Variants in MACF1 observed in about 807,000 individuals in gnomAD.
MACF1 encodes the protein microtubule-actin cross-linking factor 1.
Under a neutral mutation model 854.8 loss-of-function variants are expected in MACF1, and 193 were observed. The ratio of observed to expected loss-of-function variants is 0.23; its 90% CI spans 0.20 to 0.25. The LOEUF (loss-of-function observed/expected upper bound fraction) is 0.25. MACF1 is among the 10% of genes least tolerant of loss of function. The pLI, the probability that MACF1 is intolerant of heterozygous loss-of-function variation, is 1.00. For synonymous variants in MACF1, 3,185 were observed against 3,226.7 expected, an observed-to-expected ratio of 0.99 and a Z score of 0.44; for missense variants, 7,722 against 8,929.1, an observed-to-expected ratio of 0.86 and a Z score of 5.45.
intron 61 of MACF1, 75 bp from the exon 62 acceptor site, chr1:39,427,380 T>A: frequency 8.0e-7 from 1 of 1,254,990 alleles, no homozygotes; most frequent in South Asian, 1.4e-5. Flanking sequence ...GACTATTCTT[T>A]TACTGAGTAT....
At position 39,335,225 on chromosome 1, in the gene MACF1, C is replaced by G; in HGVS notation, c.8637C>G (p.Gly2879=). 1 of 1,613,906 alleles carries G rather than the reference C, an allele frequency of 6.2e-7. No homozygotes were observed. Among genetic ancestry groups the G allele is most frequent in the Non-Finnish European group, 8.5e-7 (1 of 1,179,922 alleles). ...ATAATCTTAAAGGTAAATCCTTGGG[C>G]CAAGTGTCATTGACACACCCTTACT... ...NPHNLKGKSL[G]QVSLTHPYSE... The change falls in exon 37 of 101, where the codon GGC becomes GGG. Residue 2879 remains glycine (G), a synonymous_variant. Coordinates refer to ENST00000564288, the MANE Select transcript of MACF1 (RefSeq NM_001394062.1).
chr1:39,394,715 A>G (rs375941513), intron 58 of MACF1, among the ~76,000 whole-genome samples: 51 of 152,320 alleles, frequency 3.3e-4, no homozygotes, highest in African/African-American at 1.2e-3. Flanking sequence ...GATTACAAGG[A>G]CAGTATCAGC....
intron 24 of MACF1, among the ~76,000 whole-genome samples, 178 bp from the exon 25 acceptor site, chr1:39,310,067 G>A (rs1179809331): frequency 1.3e-5 from 2 of 152,158 alleles, no homozygotes; most frequent in East Asian, 1.9e-4. Flanking sequence ...TGCTGGTAAT[G>A]TTCTGCTTCT....
chr1:39,240,624 G>A (rs1169063441), intron 2 of MACF1, among the ~76,000 whole-genome samples: 6 of 152,074 alleles, frequency 3.9e-5, no homozygotes, highest in East Asian at 1.9e-4. Context: ...TCAGCCTCCC[G>A]AGTAGCTGGG....
At chr1:39,163,931 A>G (rs1643856872) in intron 2 of MACF1, among the ~76,000 whole-genome samples, 1 of 152,198 alleles carries the variant, frequency 6.6e-6, no homozygotes, top group South Asian at 2.1e-4. Context: ...AAATCCTACA[A>G]ATTACTAGGC....
At chr1:39,371,873 G>C (rs1485934626) in intron 51 of MACF1, among the ~76,000 whole-genome samples, 2 of 151,098 alleles carry the variant, frequency 1.3e-5, no homozygotes, top group Non-Finnish European at 2.9e-5. Context: ...GGATGCCGTG[G>C]CATGATCTCG....
intron 58 of MACF1, among the ~76,000 whole-genome samples, chr1:39,406,744 A>AAAAAAAAAAAAC (rs1642722027): frequency 4.1e-5 from 6 of 147,164 alleles, no homozygotes; most frequent in Admixed American, 3.3e-4. Flanking sequence ...CACTCAAAAA[A>AAAAAAAAAAAAC]AAAAAAAAAA....
Position 39,335,977 on chromosome 1 carries a change from C to T in MACF1, c.9389C>T (p.Ser3130Phe), listed in dbSNP as rs1372065786. The change falls in exon 37 of 101, where the codon TCC becomes TTC. Residue 3130 changes from serine (S) to phenylalanine (F), a missense_variant. By Grantham distance (155) the Ser-to-Phe change is radical. Coordinates refer to ENST00000564288, the MANE Select transcript of MACF1 (RefSeq NM_001394062.1). Reference protein sequence around the residue: ...KAQVTGPSQISKTDKSFQGTT... With the variant: ...KAQVTGPSQIFKTDKSFQGTT... ...CAAGTGACAGGCCCATCCCAAATTT[C>T]CAAAACAGACAAGTCTTTCCAAGGA... 1.2e-6 allele frequency: 2 copies of T among 1,614,112 alleles called. No individual in the cohort carries two copies. Among genetic ancestry groups the T allele is most frequent in the Admixed American group, 1.7e-5 (1 of 60,016 alleles).
At position 39,385,419 on chromosome 1, in the gene MACF1, TC is replaced by T; in HGVS notation, c.13849-14del. ...TTTTTCCTGTCTAAACATCTTGGTG[TC>T]ATTTCTATTTCAGTTTATGCTAAAG... On this transcript the variant is annotated splice_polypyrimidine_tract_variant and intron_variant, in intron 56 of 100. Coordinates refer to ENST00000564288, the MANE Select transcript of MACF1 (RefSeq NM_001394062.1). The T allele has an allele frequency of 6.2e-7, 1 of 1,610,628 alleles. No individual in the cohort carries two copies. The highest frequency in any genetic ancestry group is 8.5e-7 in the Non-Finnish European group (1 of 1,177,660).
chr1:39,348,531 C>T (rs1179800892), intron 41 of MACF1, among the ~76,000 whole-genome samples: 1 of 152,172 alleles, frequency 6.6e-6, no homozygotes, highest in Non-Finnish European at 1.5e-5. Flanking sequence ...AGTCTGCACC[C>T]ATCCTAACCC....
Position 39,333,794 on chromosome 1 carries a change from A to C in MACF1, c.7206A>C (p.Leu2402Phe), listed in dbSNP as rs1557593569. ...LLDKETATRI[L>F]ERQVVTGGII... The stretch of plus-strand genomic sequence containing the variant: ...ACAAGGAAACAGCCACCAGAATTTT[A>C]GAGAGGCAGGTGGTGACTGGTGGAA... Residue 2402 changes from leucine (L) to phenylalanine (F), a missense_variant, in exon 37 of 101, where the codon TTA (leucine) becomes TTC (phenylalanine). Leu to Phe is a conservative substitution (Grantham distance 22, BLOSUM62 0). Transcript: ENST00000564288. 4 of 1,614,214 alleles carry C rather than the reference A, an allele frequency of 2.5e-6. No individual in the cohort carries two copies. The highest frequency in any genetic ancestry group is 3.4e-6 in the Non-Finnish European group (4 of 1,180,028).
intron 68 of MACF1, among the ~76,000 whole-genome samples, chr1:39,434,018 T>G (rs1452373543): frequency 6.6e-6 from 1 of 152,098 alleles, no homozygotes; most frequent in African/African-American, 2.4e-5. Context: ...AGGCGGAGGT[T>G]ACAGTGAGCT....
At chr1:39,111,263 G>A (rs1642395688) in intron 2 of MACF1, among the ~76,000 whole-genome samples, 1 of 152,132 alleles carries the variant, frequency 6.6e-6, no homozygotes, top group Non-Finnish European at 1.5e-5. Flanking sequence ...ATACCATTGT[G>A]TAGCTCACTC....
At chr1:39,243,616 T>A (rs979719847) in intron 2 of MACF1, among the ~76,000 whole-genome samples, 5 of 152,166 alleles carry the variant, frequency 3.3e-5, no homozygotes, top group African/African-American at 1.2e-4. Context: ...TTGCCCTGAC[T>A]GGTCTCAAAC....
rs1233312011 is a variant in MACF1 at position 39,293,598 on chromosome 1, A to T, written c.2133A>T (p.Ser711=). The T allele has an allele frequency of 6.2e-7, 1 of 1,612,656 alleles. No individual in the cohort carries two copies. The highest frequency in any genetic ancestry group is 2.2e-5 in the East Asian group (1 of 44,862). ...YDWSDNNSNI[S]AKRNYFSELT... is the part of the protein sequence containing the mutation. ...GGAGTGACAACAATTCCAATATCTCAGCCAAGAGAAATTACTTCTCTGTGA... is the reference window on the plus strand; with the variant it reads ...GGAGTGACAACAATTCCAATATCTCTGCCAAGAGAAATTACTTCTCTGTGA... Residue 711 remains serine (S), a synonymous_variant, in exon 18 of 101, where the codon TCA becomes TCT. Transcript: ENST00000564288.
intron 2 of MACF1, among the ~76,000 whole-genome samples, chr1:39,188,059 C>A (rs923288185): frequency 3.4e-5 from 5 of 145,684 alleles, no homozygotes; most frequent in African/African-American, 1.3e-4. Context: ...TTCTTCTGAG[C>A]TCCTTCTATT....
chr1:39,273,882 G>A (rs1052292693), intron 6 of MACF1, among the ~76,000 whole-genome samples: 1 of 152,244 alleles, frequency 6.6e-6, no homozygotes, highest in African/African-American at 2.4e-5. Context: ...GAGCCACCGC[G>A]CCCAGCCTTG....
intron 70 of MACF1, chr1:39,435,984 G>T: frequency 1.9e-6 from 1 of 519,586 alleles, no homozygotes; most frequent in Non-Finnish European, 3.4e-6. Flanking sequence ...GGTATATATT[G>T]TCTGTTGATG....
At chr1:39,407,933 G>A (rs894362362) in intron 58 of MACF1, among the ~76,000 whole-genome samples, 1 of 152,216 alleles carries the variant, frequency 6.6e-6, no homozygotes, top group Non-Finnish European at 1.5e-5. Context: ...AGATGCAGCT[G>A]CCTCTGGTGG....
Sources: allele counts gnomAD v4.1 joint callset (sites outside exome capture counted in the v4.1 genomes callset), GRCh38; gene constraint gnomAD v4.1.1; transcripts MANE v1.5; gene names NCBI Gene and HGNC (gene_info 2026-07-23, HGNC 2026-07-21).